GPC5: variants seen among roughly 807,000 people sequenced by gnomAD.
GPC5 encodes the protein glypican-5.
GPC5 carries 47 observed loss-of-function variants against 53.9 expected under a neutral mutation model. The observed-to-expected ratio is 0.87, with a 90% confidence interval of 0.69 to 1.11. GPC5 has a LOEUF of 1.11. Ranked by LOEUF, GPC5 falls within the 50% of genes most tolerant of loss-of-function variation. The probability of loss-of-function intolerance (pLI) is 0.00; values close to 1 mark genes in which losing one functional copy is unlikely to be tolerated. For missense variants in GPC5, 748 were observed against 713.1 expected, an observed-to-expected ratio of 1.05 and a Z score of -0.56; for synonymous variants, 286 against 263.3, an observed-to-expected ratio of 1.09 and a Z score of -0.84.
chr13:91,964,725 A>G (rs1025932412), intron 6 of GPC5, among the ~76,000 whole-genome samples: 3 of 152,094 alleles, frequency 2.0e-5, no homozygotes, highest in Non-Finnish European at 1.5e-5. Flanking sequence ...CAGCCATCCC[A>G]TTACTGGGTA....
intron 4 of GPC5, among the ~76,000 whole-genome samples, chr13:91,749,817 T>C (rs1329190263): frequency 6.6e-6 from 1 of 152,196 alleles, no homozygotes; most frequent in Non-Finnish European, 1.5e-5. Context: ...AGGGAAGTGG[T>C]ATTTTTTGGA....
intron 7 of GPC5, among the ~76,000 whole-genome samples, chr13:92,416,467 G>A (rs1370804145): frequency 2.0e-5 from 3 of 152,150 alleles, no homozygotes; most frequent in African/African-American, 2.4e-5. Flanking sequence ...ACAAAGCAAT[G>A]GAGATAGAAT....
chr13:91,853,673 A>T (rs1428775433), intron 5 of GPC5, among the ~76,000 whole-genome samples: 1 of 152,026 alleles, frequency 6.6e-6, no homozygotes, highest in Non-Finnish European at 1.5e-5. Context: ...CATGAAGTTG[A>T]CTTTGAAATA....
chr13:91,478,914 T>TAC (rs1883147688), intron 2 of GPC5, among the ~76,000 whole-genome samples: 1 of 136,122 alleles, frequency 7.3e-6, no homozygotes. Context: ...CACATATATA[T>TAC]ATTCTTTTTT....
chr13:92,577,238 GT>G (rs1566301545), intron 7 of GPC5, among the ~76,000 whole-genome samples: 1 of 152,120 alleles, frequency 6.6e-6, no homozygotes, highest in Admixed American at 6.5e-5. Flanking sequence ...GTGAAGGTAT[GT>G]TTAAAAGATA....
chr13:92,221,369 CT>C, intron 7 of GPC5, among the ~76,000 whole-genome samples: 1 of 152,244 alleles, frequency 6.6e-6, no homozygotes, highest in East Asian at 1.9e-4. Context: ...AGAGGCATTA[CT>C]ATAAAGCTGA....
intron 4 of GPC5, among the ~76,000 whole-genome samples, chr13:91,732,018 G>A (rs2140025666): frequency 6.6e-6 from 1 of 152,266 alleles, no homozygotes; most frequent in African/African-American, 2.4e-5. Flanking sequence ...CTTTAAAGTA[G>A]AATGATTTAT....
At chr13:92,124,788 A>G (rs1427725274) in intron 6 of GPC5, among the ~76,000 whole-genome samples, 1 of 152,182 alleles carries the variant, frequency 6.6e-6, no homozygotes, top group African/African-American at 2.4e-5. Flanking sequence ...AGGTCATTTA[A>G]GTATTTTAAG....
At chr13:91,862,780 A>G (rs753703613) in intron 5 of GPC5, among the ~76,000 whole-genome samples, 2 of 152,128 alleles carry the variant, frequency 1.3e-5, no homozygotes, top group African/African-American at 2.4e-5. Context: ...AATTTCACCA[A>G]TAGTCCCAAT....
intron 7 of GPC5, among the ~76,000 whole-genome samples, chr13:92,653,698 CA>C (rs1441365767): frequency 1.3e-5 from 2 of 152,098 alleles, no homozygotes; most frequent in Admixed American, 6.6e-5. Context: ...ACACTTGAAC[CA>C]ATTAGATGTG....
intron 7 of GPC5, among the ~76,000 whole-genome samples, chr13:92,529,539 CTT>C (rs1376517409): frequency 6.6e-6 from 1 of 152,138 alleles, no homozygotes; most frequent in Non-Finnish European, 1.5e-5. Context: ...TAGTAACTGT[CTT>C]TAGGTGGCTT....
In GPC5 at chr13:91,705,944, G is replaced by A. The variant is rs981267826; in HGVS notation, c.1020+12063G>A. On this transcript the variant is annotated intron_variant, in intron 3 of 7. Coordinates refer to ENST00000377067, the MANE Select transcript of GPC5 (RefSeq NM_004466.6). ...CGCCCAGGTTGGAGTGCAGTGGCAC[G>A]ATCTCGGCTCATTGCAACCTCCGCC... 4.1e-5 allele frequency among the ~76,000 whole-genome samples: 6 copies of A among 144,996 alleles called. No individual in the cohort carries two copies. In the South Asian group the frequency reaches 6.5e-4, roughly 16 times the overall value.
At chr13:91,968,438 A>C (rs1299674825) in intron 6 of GPC5, among the ~76,000 whole-genome samples, 1 of 152,076 alleles carries the variant, frequency 6.6e-6, no homozygotes, top group Non-Finnish European at 1.5e-5. Context: ...TCAAAATGTG[A>C]TAGTTTTTAA....
intron 7 of GPC5, among the ~76,000 whole-genome samples, chr13:92,821,825 T>C (rs994580126): frequency 6.6e-6 from 1 of 152,130 alleles, no homozygotes; most frequent in Middle Eastern, 3.2e-3. Context: ...ATGGCAAAAT[T>C]AATTCCATGA....
intron 1 of GPC5, among the ~76,000 whole-genome samples, chr13:91,419,777 A>C (rs1236773608): frequency 6.6e-6 from 1 of 152,212 alleles, no homozygotes; most frequent in South Asian, 2.1e-4. Context: ...GATCAGATCA[A>C]AACTTTTAAA....
At chr13:91,484,324 T>C (rs562723622) in intron 2 of GPC5, among the ~76,000 whole-genome samples, 21 of 152,304 alleles carry the variant, frequency 1.4e-4, no homozygotes, top group Non-Finnish European at 1.3e-4. Flanking sequence ...ATGTTCTGTC[T>C]ACCTGATAGG....
intron 6 of GPC5, among the ~76,000 whole-genome samples, chr13:92,118,024 C>A (rs1173530598): frequency 6.6e-6 from 1 of 152,030 alleles, no homozygotes; most frequent in African/African-American, 2.4e-5. Flanking sequence ...TGCCTTGGAC[C>A]CAGTTTTGAA....
chr13:91,859,829 A>G (rs1429649022), intron 5 of GPC5, among the ~76,000 whole-genome samples: 3 of 151,486 alleles, frequency 2.0e-5, no homozygotes, highest in African/African-American at 7.3e-5. Context: ...AAACATATGT[A>G]TTTTTCCAAT....
intron 5 of GPC5, among the ~76,000 whole-genome samples, chr13:91,763,447 C>T (rs922413955): frequency 2.6e-5 from 4 of 152,068 alleles, no homozygotes; most frequent in East Asian, 1.9e-4. Context: ...AGTAGATCCA[C>T]GTGCAAAGAC....
Sources: allele counts gnomAD v4.1 joint callset (sites outside exome capture counted in the v4.1 genomes callset), GRCh38; gene constraint gnomAD v4.1.1; transcripts MANE v1.5; gene names NCBI Gene and HGNC (gene_info 2026-07-23, HGNC 2026-07-21).